PPP3CA: variants seen among roughly 807,000 people sequenced by gnomAD.
The protein encoded by PPP3CA is CAM-PRP catalytic subunit.
Under a neutral mutation model 66.5 loss-of-function variants are expected in PPP3CA, and 14 were observed. The observed-to-expected ratio is 0.21, with a 90% CI of 0.14 to 0.33. The LOEUF is 0.33. Among genes scored for constraint, PPP3CA ranks in the 10% least tolerant of loss-of-function variants. PPP3CA has a pLI of 1.00. For synonymous variants in PPP3CA, 232 were observed against 226.2 expected (o/e 1.03, Z -0.23); for missense variants, 317 against 639.5 (o/e 0.50, Z 5.44).
intron 1 of PPP3CA, among the ~76,000 whole-genome samples, chr4:101,232,918 C>A (rs1726008643): frequency 6.6e-6 from 1 of 151,646 alleles, no homozygotes; most frequent in Non-Finnish European, 1.5e-5. Context: ...ATGAAAAACA[C>A]CATACAGATT....
chr4:101,066,725 C>T (rs145444655), intron 8 of PPP3CA, among the ~76,000 whole-genome samples: 2 of 152,058 alleles, frequency 1.3e-5, no homozygotes, highest in Admixed American at 6.6e-5. Context: ...TCTGCAGTCA[C>T]GAAATTCACA....
chr4:101,346,074 G>C (rs2110346826), intron 1 of PPP3CA, among the ~76,000 whole-genome samples: 1 of 151,628 alleles, frequency 6.6e-6, no homozygotes, highest in South Asian at 2.1e-4. Flanking sequence ...CGCGCCCCCC[G>C]CGGCCACCCT....
At position 101,346,948 on chromosome 4, in the gene PPP3CA, T is replaced by A; in HGVS notation, c.-152A>T. On this transcript the variant is annotated 5_prime_UTR_variant, in exon 1 of 14. Transcript: ENST00000394854. ...GGAGGTCTAGGCTCTGAGCTGGCTT[T>A]AAAGTTGCTGCCTTTTCCGCGCGTC... 2.3e-6 allele frequency: 2 copies of A among 861,352 alleles called. No individual in the cohort carries two copies. The highest frequency in any genetic ancestry group is 3.6e-6 in the Non-Finnish European group (2 of 557,304). 53.4% of individuals were successfully genotyped at this position (861,352 alleles called of 1,614,324 possible).
At chr4:101,267,138 TAGG>T (rs749444258) in intron 1 of PPP3CA, among the ~76,000 whole-genome samples, 3 of 152,130 alleles carry the variant, frequency 2.0e-5, no homozygotes, top group Non-Finnish European at 4.4e-5. Flanking sequence ...TCAAACTGAG[TAGG>T]AGGACTCTAG....
intron 2 of PPP3CA, among the ~76,000 whole-genome samples, chr4:101,144,082 C>A (rs1258951780): frequency 6.6e-6 from 1 of 152,132 alleles, no homozygotes; most frequent in Admixed American, 6.6e-5. Context: ...ATCATCTTTA[C>A]CACCACTGCT....
At chr4:101,132,286 A>G (rs1722469200) in intron 2 of PPP3CA, among the ~76,000 whole-genome samples, 1 of 152,190 alleles carries the variant, frequency 6.6e-6, no homozygotes, top group African/African-American at 2.4e-5. Context: ...GACACAAAAA[A>G]ACCTTCAAAA....
chr4:101,214,277 C>T (rs1275081084), intron 1 of PPP3CA, among the ~76,000 whole-genome samples: 1 of 145,876 alleles, frequency 6.9e-6, no homozygotes, highest in Non-Finnish European at 1.5e-5. Flanking sequence ...TTTAATCCTA[C>T]TATGCCTGAG....
intron 1 of PPP3CA, among the ~76,000 whole-genome samples, chr4:101,258,977 T>C (rs891489992): frequency 2.6e-5 from 4 of 152,164 alleles, no homozygotes; most frequent in African/African-American, 9.6e-5. Context: ...AGTTGTCAGC[T>C]GACTCCATCT....
chr4:101,109,908 A>G (rs1007779884), intron 2 of PPP3CA, among the ~76,000 whole-genome samples: 21 of 152,140 alleles, frequency 1.4e-4, no homozygotes, highest in African/African-American at 4.3e-4. Flanking sequence ...TCTAAAAATA[A>G]TATTTTTATC....
chr4:101,293,465 T>C (rs535141173), intron 1 of PPP3CA, among the ~76,000 whole-genome samples: 1 of 152,346 alleles, frequency 6.6e-6, no homozygotes, highest in African/African-American at 2.4e-5. Flanking sequence ...TTGGTCACTT[T>C]CTCTTTGATG....
intron 10 of PPP3CA, among the ~76,000 whole-genome samples, chr4:101,042,501 T>C (rs538932150): frequency 2.0e-5 from 3 of 152,290 alleles, no homozygotes; most frequent in South Asian, 4.2e-4. Context: ...TGTCTATCCA[T>C]GTGGGAGACA....
At chr4:101,251,733 A>G (rs1191952774) in intron 1 of PPP3CA, among the ~76,000 whole-genome samples, 1 of 152,222 alleles carries the variant, frequency 6.6e-6, no homozygotes, top group Non-Finnish European at 1.5e-5. Context: ...GTACATTCTA[A>G]CACTGTCTTT....
At chr4:101,044,263 A>T (rs1304127429) in intron 10 of PPP3CA, among the ~76,000 whole-genome samples, 1 of 152,156 alleles carries the variant, frequency 6.6e-6, no homozygotes, top group African/African-American at 2.4e-5. Flanking sequence ...CTCTTTTTCA[A>T]AAACTTATTT....
intron 1 of PPP3CA, among the ~76,000 whole-genome samples, chr4:101,311,450 GC>G (rs1263867261): frequency 6.6e-6 from 1 of 152,132 alleles, no homozygotes; most frequent in Non-Finnish European, 1.5e-5. Context: ...AAGCCATGCT[GC>G]CTCTCTATAT....
intron 8 of PPP3CA, among the ~76,000 whole-genome samples, chr4:101,075,370 A>G (rs1385212698): frequency 6.6e-6 from 1 of 152,214 alleles, no homozygotes; most frequent in Non-Finnish European, 1.5e-5. Context: ...AATCCAAAAT[A>G]ATTTTCATTT....
intron 1 of PPP3CA, among the ~76,000 whole-genome samples, chr4:101,333,317 T>G (rs1343974053): frequency 2.4e-5 from 3 of 124,350 alleles, no homozygotes; most frequent in Non-Finnish European, 4.8e-5. Flanking sequence ...TTTGTAGAGA[T>G]GAGGTCTCAC....
At chr4:101,076,699 G>A (rs1005522144) in intron 8 of PPP3CA, among the ~76,000 whole-genome samples, 3 of 152,172 alleles carry the variant, frequency 2.0e-5, no homozygotes, top group African/African-American at 7.2e-5. Flanking sequence ...CAGAGAGACA[G>A]GTGATAATGG....
At chr4:101,118,789 C>T (rs1721928553) in intron 2 of PPP3CA, among the ~76,000 whole-genome samples, 1 of 151,892 alleles carries the variant, frequency 6.6e-6, no homozygotes. Context: ...TTCTAATTTG[C>T]TTTCCCCAAT....
intron 6 of PPP3CA, among the ~76,000 whole-genome samples, chr4:101,086,520 T>C (rs1002046304): frequency 2.0e-5 from 3 of 152,190 alleles, no homozygotes; most frequent in Admixed American, 1.3e-4. Flanking sequence ...AGCCATGACA[T>C]AGCTAGTGGG....
Sources: allele counts gnomAD v4.1 joint callset (sites outside exome capture counted in the v4.1 genomes callset), GRCh38; gene constraint gnomAD v4.1.1; transcripts MANE v1.5; gene names NCBI Gene and HGNC (gene_info 2026-07-23, HGNC 2026-07-21).